AP1M1: variants seen among roughly 807,000 people sequenced by gnomAD.
The protein encoded by AP1M1 is adaptor related protein complex 1 subunit mu 1.
In AP1M1, 18 loss-of-function variants were observed where a neutral mutation model predicts 57.1. The observed-to-expected ratio is 0.32, with a 90% CI of 0.22 to 0.47. The LOEUF is 0.47. Among genes scored for constraint, AP1M1 ranks in the 20% least tolerant of loss-of-function variants. The pLI is 1.00. For missense variants in AP1M1, 362 were observed against 593.5 expected (o/e 0.61, Z 4.05); for synonymous variants, 241 against 237.9 (o/e 1.01, Z -0.12).
rs184537040 is a variant in AP1M1, at chr19:16,239,222, C to G, written c.*4787C>G. 1 of 138,778 alleles carries G rather than the reference C, an allele frequency of 7.2e-6. No individual in the cohort carries two copies. Among genetic ancestry groups the G allele is most frequent in the African/African-American group, 2.7e-5 (1 of 36,644 alleles). 8.6% of individuals were successfully genotyped at this position (138,778 alleles called of 1,614,324 possible). On this transcript the variant is annotated 3_prime_UTR_variant, in exon 12 of 12. Transcript: ENST00000291439. ...TGCTGGGATTACAGGCATGAGCCACCGCGCCCGGCCAGTTCTCTTTTTTTT... is the reference window on the plus strand; with the variant it reads ...TGCTGGGATTACAGGCATGAGCCACGGCGCCCGGCCAGTTCTCTTTTTTTT...
intron 5 of AP1M1, among the ~76,000 whole-genome samples, chr19:16,218,720 G>A (rs1204775010): frequency 2.0e-5 from 3 of 152,166 alleles, no homozygotes; most frequent in Non-Finnish European, 2.9e-5. Flanking sequence ...TCTTTAAACA[G>A]CTTCAAATTA....
chr19:16,231,390 G>GTT (rs879682649), intron 9 of AP1M1, among the ~76,000 whole-genome samples: 2 of 139,504 alleles, frequency 1.4e-5, no homozygotes, highest in South Asian at 2.3e-4. Flanking sequence ...CATACTAAAA[G>GTT]TTTTTTTTTT....
At chr19:16,232,830 G>A (rs921682193) in intron 9 of AP1M1, among the ~76,000 whole-genome samples, 6 of 152,198 alleles carry the variant, frequency 3.9e-5, no homozygotes, top group Admixed American at 2.0e-4. Context: ...GAGACCAGGC[G>A]CTGGGGGTGA....
chr19:16,212,290 T>G (rs1205106167), intron 5 of AP1M1, among the ~76,000 whole-genome samples: 3 of 152,158 alleles, frequency 2.0e-5, no homozygotes, highest in African/African-American at 7.2e-5. Flanking sequence ...TCATTATTGG[T>G]CTGTTCAGGG....
intron 5 of AP1M1, among the ~76,000 whole-genome samples, chr19:16,223,383 G>A (rs1371121941): frequency 6.6e-6 from 1 of 152,198 alleles, no homozygotes; most frequent in East Asian, 1.9e-4. Context: ...ACTTCATGGG[G>A]TGACTTTCCT....
rs1396718517 is a variant in AP1M1, at chr19:16,242,368, T to C, written c.*7933T>C. The C allele has an allele frequency of 2.0e-5, 3 of 152,134 alleles. No homozygotes were observed. Among genetic ancestry groups the C allele is most frequent in the Non-Finnish European group, 4.4e-5 (3 of 68,038 alleles). The allele number at this position is 152,134 out of a possible 1,614,324, so 9.4% of individuals were successfully genotyped here. On this transcript the variant is annotated 3_prime_UTR_variant, in exon 12 of 12. Transcript: ENST00000291439. The stretch of plus-strand genomic sequence containing the variant: ...ATAAATGCAGGGATGTTCTAAACTT[T>C]TTAAAATAATAAATAATAGTACTTA...
chr19:16,198,754 C>A (rs2091435293), intron 1 of AP1M1, among the ~76,000 whole-genome samples: 1 of 152,042 alleles, frequency 6.6e-6, no homozygotes, highest in African/African-American at 2.4e-5. Flanking sequence ...CTACTAATGC[C>A]GGGCAGGGTA....
chr19:16,229,139 C>T (rs1168788464), intron 9 of AP1M1, among the ~76,000 whole-genome samples: 1 of 152,228 alleles, frequency 6.6e-6, no homozygotes, highest in African/African-American at 2.4e-5. Context: ...TTCTGCCTTC[C>T]TCTTGTTTGT....
Position 16,206,203 on chromosome 19 carries a change from TG to T in AP1M1, c.200-135del. On this transcript the variant is annotated intron_variant, in intron 2 of 11. Coordinates refer to ENST00000291439, the MANE Select transcript of AP1M1 (RefSeq NM_032493.4). The surrounding 1 kb of genome is among the most constrained non-coding windows in gnomAD (Gnocchi z 4.3). Reference sequence around the variant, plus strand: ...GGACCAGGAGCTTTGTAGCCCACCATGGGCCAAGTAAACGGCTGGGAGTGGG... The same window carrying T: ...GGACCAGGAGCTTTGTAGCCCACCATGGCCAAGTAAACGGCTGGGAGTGGG... 1 of 843,944 alleles carries T rather than the reference TG, an allele frequency of 1.2e-6. No individual in the cohort carries two copies. The highest frequency in any genetic ancestry group is 1.9e-6 in the Non-Finnish European group (1 of 526,372). The allele number at this position is 843,944 out of a possible 1,614,324, so 52.3% of individuals were successfully genotyped here.
rs1191971099 is a variant in AP1M1 at position 16,233,594 on chromosome 19, T to C, written c.1149T>C (p.Pro383=). The part of the protein sequence containing the change: ...KPPISVKFEI[P]YFTTSGIQVR... Reference sequence around the variant, plus strand: ...CGATCAGTGTCAAGTTCGAGATCCCTTACTTCACTACCTCCGGCATCCAGG... The same window carrying C: ...CGATCAGTGTCAAGTTCGAGATCCCCTACTTCACTACCTCCGGCATCCAGG... The change falls in exon 10 of 12, where the codon CCT becomes CCC. Residue 383 remains proline (P), a synonymous_variant. Coordinates refer to ENST00000291439, the MANE Select transcript of AP1M1 (RefSeq NM_032493.4). 2 of 1,611,520 alleles carry C rather than the reference T, an allele frequency of 1.2e-6. No individual in the cohort carries two copies. The highest frequency in any genetic ancestry group is 2.7e-5 in the African/African-American group (2 of 74,936).
At position 16,228,346 on chromosome 19, in the gene AP1M1, C is replaced by T; in HGVS notation, c.888+138C>T. On this transcript the variant is annotated intron_variant, in intron 8 of 11. Transcript: ENST00000291439. This position sits in a 1 kb window ranked among gnomAD's most constrained non-coding sequence, Gnocchi z 5.0. ...GGCCTCAGATGCAGGAGTGACCTGA[C>T]ACTGAGGGGACACCGCCTGGGGCCT... The T allele has an allele frequency of 4.5e-6, 4 of 891,660 alleles. No homozygotes were observed. Among genetic ancestry groups the T allele is most frequent in the Non-Finnish European group, 7.0e-6 (4 of 567,926 alleles). The allele number at this position is 891,660 out of a possible 1,614,324, so 55.2% of individuals were successfully genotyped here.
rs2091578863 is a variant in AP1M1 at position 16,228,042 on chromosome 19, A to C, written c.817-95A>C. ...CAGGGCTCTGGGCCCACACCTGGGC[A>C]GATGGTCCCTTGCCCTGGGCCTTGG... is the stretch of plus-strand genomic sequence containing the variant. On this transcript the variant is annotated intron_variant, in intron 7 of 11. Transcript: ENST00000291439. This position sits in a 1 kb window ranked among gnomAD's most constrained non-coding sequence, Gnocchi z 5.0. The C allele has an allele frequency of 7.8e-7, 1 of 1,287,656 alleles. No individual in the cohort carries two copies. The highest frequency in any genetic ancestry group is 1.8e-5 in the Admixed American group (1 of 54,692). 79.8% of individuals were successfully genotyped at this position (1,287,656 alleles called of 1,614,324 possible). A position where few individuals can be genotyped will look rare whatever the true frequency, so the allele number is the denominator to read the frequency against.
In AP1M1 at chr19:16,203,400, A is replaced by G; in HGVS notation, c.43-59A>G. ...GTGGTGCATCTCACCCCCTGCCCCA[A>G]GCCCCCAGATTGTAGAACTGAAAAT... On this transcript the variant is annotated intron_variant, in intron 1 of 11. Transcript: ENST00000291439. The surrounding 1 kb of genome is among the most constrained non-coding windows in gnomAD (Gnocchi z 4.6). The G allele has an allele frequency of 1.3e-6, 2 of 1,596,466 alleles. No homozygotes were observed. Among genetic ancestry groups the G allele is most frequent in the South Asian group, 1.1e-5 (1 of 90,360 alleles).
Position 16,227,441 on chromosome 19 carries a change from T to A in AP1M1, c.674-107T>A. Reference sequence around the variant, plus strand: ...TGTGGCCCAGGCTGCTCTCAGTGCGTGGACTGGGGGCCCTGCTCTGCCGGG... The same window carrying A: ...TGTGGCCCAGGCTGCTCTCAGTGCGAGGACTGGGGGCCCTGCTCTGCCGGG... On this transcript the variant is annotated intron_variant, in intron 6 of 11. Transcript: ENST00000291439. This position sits in a 1 kb window ranked among gnomAD's most constrained non-coding sequence, Gnocchi z 6.2. 1.5e-6 allele frequency: 2 copies of A among 1,340,348 alleles called. No homozygotes were observed. The highest frequency in any genetic ancestry group is 2.6e-5 in the South Asian group (2 of 76,214). The allele number at this position is 1,340,348 out of a possible 1,614,324, so 83.0% of individuals were successfully genotyped here. A position where few individuals can be genotyped will look rare whatever the true frequency, so the allele number is the denominator to read the frequency against.
chr19:16,210,296 A>G (rs879144119), intron 5 of AP1M1: 51 of 690,322 alleles, frequency 7.4e-5, no homozygotes, highest in South Asian at 2.2e-4. Flanking sequence ...GCAATTGTCA[A>G]TAGAGTTGCT....
intron 5 of AP1M1, among the ~76,000 whole-genome samples, chr19:16,224,562 C>T (rs947761819): frequency 2.0e-5 from 3 of 152,242 alleles, no homozygotes; most frequent in African/African-American, 4.8e-5. Context: ...GGAAGGGCAC[C>T]GGCTCTGCGT....
Position 16,241,309 on chromosome 19 carries a change from C to CAG in AP1M1, c.*6875_*6876insGA, listed in dbSNP as rs2091644707. 1 of 135,070 alleles carries CAG rather than the reference C, an allele frequency of 7.4e-6. No individual in the cohort carries two copies. The highest frequency in any genetic ancestry group is 1.6e-5 in the Non-Finnish European group (1 of 64,514). 8.4% of individuals were successfully genotyped at this position (135,070 alleles called of 1,614,324 possible). ...GCTTGGGCAAAGTGAGATTCTGTCT[C>CAG]AAAAAAAAAAAAAGACAAGATAAAA... On this transcript the variant is annotated 3_prime_UTR_variant, in exon 12 of 12. Transcript: ENST00000291439.
At chr19:16,215,206 GGGGGGAGAGGGGGGA>G (rs2091513381) in intron 5 of AP1M1, among the ~76,000 whole-genome samples, 2 of 45,536 alleles carry the variant, frequency 4.4e-5, no homozygotes, top group Non-Finnish European at 6.5e-5. Flanking sequence ...GGGGCGGGGG[GGGGGGAGAGGGGGGA>G]GGGGGGAGGG....
intron 9 of AP1M1, among the ~76,000 whole-genome samples, chr19:16,231,610 A>G (rs1432220627): frequency 8.8e-6 from 1 of 113,426 alleles, no homozygotes; most frequent in East Asian, 2.8e-4. Flanking sequence ...GTGTATTTTT[A>G]GTAGAAACAG....
Sources: gnomAD v4.1 joint callset for allele counts (sites outside exome capture counted in the v4.1 genomes callset) on GRCh38, gnomAD v4.1.1 for gene constraint, Gnocchi (gnomAD v3.1) non-coding constraint, MANE v1.5 for transcripts, NCBI Gene and HGNC (gene_info 2026-07-23, HGNC 2026-07-21) for gene names.